CACNA1A: variants seen among roughly 807,000 people sequenced by gnomAD.
CACNA1A encodes the protein calcium voltage-gated channel subunit alpha1 A, also known as voltage-dependent P/Q-type calcium channel subunit alpha-1A.
In CACNA1A, 57 loss-of-function variants were observed where a neutral mutation model predicts 262.4. The observed-to-expected ratio is 0.22, with a 90% CI of 0.18 to 0.27. CACNA1A has a LOEUF of 0.27. Among genes scored for constraint, CACNA1A ranks in the 10% least tolerant of loss-of-function variants. CACNA1A has a pLI of 1.00. For missense variants in CACNA1A, 2,526 were observed against 3,562.8 expected, an observed-to-expected ratio of 0.71 and a Z score of 7.41; for synonymous variants, 1,431 against 1,419.3, an observed-to-expected ratio of 1.01 and a Z score of -0.18.
chr19:13,231,958 C>A, intron 34 of CACNA1A, 98 bp from the exon 35 acceptor site: 1 of 1,291,878 alleles, frequency 7.7e-7, no homozygotes. Context: ...CACTTGGGCT[C>A]TGGAGCTGGC....
At chr19:13,233,278 T>G (rs2055737964) in intron 34 of CACNA1A, among the ~76,000 whole-genome samples, 1 of 152,132 alleles carries the variant, frequency 6.6e-6, no homozygotes, top group Admixed American at 6.5e-5. Context: ...ATGTCACACT[T>G]TCAGAGAGGC....
chr19:13,349,021 A>G (rs1263297747), intron 6 of CACNA1A, among the ~76,000 whole-genome samples: 1 of 139,940 alleles, frequency 7.1e-6, no homozygotes, highest in African/African-American at 3.1e-5. Context: ...AAAAAAAAAA[A>G]AAAAAAAGAG....
At chr19:13,229,995 T>G in intron 36 of CACNA1A, 87 bp downstream of exon 36, 1 of 1,477,384 alleles carries the variant, frequency 6.8e-7, no homozygotes. Flanking sequence ...AGTTCAGTGC[T>G]CCAGAGTCTG....
At chr19:13,486,690 CTG>C (rs200678369) in intron 1 of CACNA1A, among the ~76,000 whole-genome samples, 1 of 80,390 alleles carries the variant, frequency 1.2e-5, no homozygotes, top group Non-Finnish European at 2.4e-5. Context: ...TCTCTTCTTT[CTG>C]TCTCTCTTTC....
intron 35 of CACNA1A, 53 bp from the exon 36 acceptor site, chr19:13,230,262 A>C: frequency 6.3e-7 from 1 of 1,599,992 alleles, no homozygotes; most frequent in South Asian, 1.1e-5. Flanking sequence ...CGAGGGAATG[A>C]ATGAGTGAGT....
intron 1 of CACNA1A, among the ~76,000 whole-genome samples, chr19:13,486,160 C>T (rs1245783298): frequency 6.6e-6 from 1 of 152,214 alleles, no homozygotes; most frequent in Non-Finnish European, 1.5e-5. Context: ...GGTACAACCA[C>T]ACAAGAAAGC....
chr19:13,302,791 G>T (rs191326460), intron 17 of CACNA1A, among the ~76,000 whole-genome samples: 84 of 152,322 alleles, frequency 5.5e-4, no homozygotes, highest in African/African-American at 1.2e-3. Flanking sequence ...GGGAGCTGGG[G>T]CCGGGAAACT....
At chr19:13,363,405 CG>C (rs2059148182) in intron 5 of CACNA1A, 1 of 150,326 alleles carries the variant, frequency 6.7e-6, no homozygotes, top group Non-Finnish European at 1.5e-5. Context: ...CCTTCTTCAT[CG>C]GGGAAAGAAA....
intron 1 of CACNA1A, among the ~76,000 whole-genome samples, chr19:13,478,750 T>G (rs1414877857): frequency 6.6e-6 from 1 of 152,178 alleles, no homozygotes; most frequent in Non-Finnish European, 1.5e-5. Context: ...AAACAAACTG[T>G]GGTTATTTCC....
chr19:13,207,605 T>C lies in CACNA1A; in HGVS notation c.7229A>G (p.Tyr2410Cys). Residue 2410 changes from tyrosine (Y) to cysteine (C), a missense_variant, in exon 47 of 47, where the codon TAC becomes TGC. Tyr to Cys is a radical substitution (Grantham distance 194). Coordinates refer to ENST00000360228, the MANE Select transcript of CACNA1A (RefSeq NM_001127222.2). This position sits in a 1 kb window ranked among gnomAD's most constrained non-coding sequence, Gnocchi z 5.7. Reference protein sequence around the residue: ...GPPGPRHHGYYRGSDYDEADG... With the variant: ...GPPGPRHHGYCRGSDYDEADG... ...GGCCTCGTCGTAGTCGGAGCCCCGG[T>C]AGTAGCCATGGTGCCGGGGACCCGG... is the stretch of plus-strand genomic sequence containing the variant. 6.7e-7 allele frequency: 1 copy of C among 1,481,708 alleles called. No individual in the cohort carries two copies. The highest frequency in any genetic ancestry group is 9.0e-7 in the Non-Finnish European group (1 of 1,116,342). The allele number at this position is 1,481,708 out of a possible 1,614,324, so 91.8% of individuals were successfully genotyped here.
chr19:13,466,261 C>T (rs2061235999), intron 1 of CACNA1A, among the ~76,000 whole-genome samples: 1 of 149,338 alleles, frequency 6.7e-6, no homozygotes, highest in Non-Finnish European at 1.5e-5. Flanking sequence ...CATCATGGGC[C>T]TTTACTCATT....
chr19:13,433,985 C>T (rs1422425185), intron 3 of CACNA1A, among the ~76,000 whole-genome samples: 1 of 152,174 alleles, frequency 6.6e-6, no homozygotes, highest in Non-Finnish European at 1.5e-5. Flanking sequence ...CATTTAAACC[C>T]CAATTCCACC....
intron 1 of CACNA1A, among the ~76,000 whole-genome samples, chr19:13,457,086 C>T (rs145339885): frequency 0.023 from 3,438 of 151,872 alleles, 83 homozygotes; most frequent in Admixed American, 0.077. Context: ...TCTATCTCTA[C>T]AAAAAATATG....
chr19:13,318,585 G>A (rs1448488331), intron 10 of CACNA1A, among the ~76,000 whole-genome samples: 3 of 152,142 alleles, frequency 2.0e-5, no homozygotes, highest in Non-Finnish European at 4.4e-5. Flanking sequence ...GGGAGACCAG[G>A]CTGGAGGTGA....
At chr19:13,409,948 A>G (rs2060080724) in intron 3 of CACNA1A, among the ~76,000 whole-genome samples, 2 of 152,216 alleles carry the variant, frequency 1.3e-5, no homozygotes, top group South Asian at 4.1e-4. Context: ...TTGATAAACC[A>G]TAAAAATATA....
In CACNA1A at chr19:13,245,190, C is replaced by G. The variant is rs1417421667; in HGVS notation, c.4942G>C (p.Glu1648Gln). The G allele has an allele frequency of 6.2e-7, 1 of 1,613,350 alleles. No homozygotes were observed. The highest frequency in any genetic ancestry group is 2.2e-5 in the East Asian group (1 of 44,882). ...GCTGGAGGGAGACTTACCCCAAACT[C>G]AGTCACGAGGATATCGGTGATGCTG... ...LGSITDILVT[E>Q]FGNNFINLSF... Residue 1648 changes from glutamate (E) to glutamine (Q), a missense_variant, in exon 31 of 47, where the codon GAG becomes CAG. Transcript: ENST00000360228.
intron 20 of CACNA1A, among the ~76,000 whole-genome samples, 196 bp downstream of exon 20, chr19:13,286,307 G>A (rs2057398205): frequency 6.6e-6 from 1 of 152,152 alleles, no homozygotes. Context: ...ACAACCCCGT[G>A]CCAGGCACTG....
intron 24 of CACNA1A, chr19:13,272,790 G>A (rs1171589374): frequency 6.6e-6 from 1 of 151,838 alleles, no homozygotes; most frequent in Non-Finnish European, 1.5e-5. Flanking sequence ...AGAGAGGGGT[G>A]GAGAAACCCG....
At position 13,486,116 on chromosome 19, in the gene CACNA1A, T is replaced by A. The variant is rs1213357515; in HGVS notation, c.293+19816A>T. On this transcript the variant is annotated intron_variant, in intron 1 of 46. Coordinates refer to ENST00000360228, the MANE Select transcript of CACNA1A (RefSeq NM_001127222.2). ...ATATAAAACTCAAAACCACATAATA[T>A]CTGACTATATTGCTTCAGGATGCGT... Among the ~76,000 whole-genome samples the A allele has an allele frequency of 2.0e-5, 3 of 152,132 alleles. No homozygotes were observed. In the East Asian group the frequency reaches 5.8e-4, roughly 29 times the overall value.
Sources: gnomAD v4.1 joint callset for allele counts (sites outside exome capture counted in the v4.1 genomes callset) on GRCh38, gnomAD v4.1.1 for gene constraint, Gnocchi (gnomAD v3.1) non-coding constraint, MANE v1.5 for transcripts, NCBI Gene and HGNC (gene_info 2026-07-23, HGNC 2026-07-21) for gene names.